The following IL1RAPL2 variants were observed in gnomAD, a reference collection of about 807,000 sequenced individuals.
IL1RAPL2 encodes the protein interleukin 1 receptor accessory protein like 2.
A neutral mutation model predicts 44.1 loss-of-function variants in IL1RAPL2; 3 were observed. That is an observed-to-expected ratio of 0.07 (90% confidence interval 0.03 to 0.18). The LOEUF is 0.18. Among genes scored for constraint, IL1RAPL2 ranks in the 10% least tolerant of loss-of-function variants. The pLI is 1.00. For missense variants in IL1RAPL2, 391 were observed against 496.4 expected (o/e 0.79, Z 2.02); for synonymous variants, 181 against 178.8 (o/e 1.01, Z -0.10).
chrX:104,770,949 A>G (rs1299053396), intron 2 of IL1RAPL2, among the ~76,000 whole-genome samples: 3 of 111,621 alleles, frequency 2.7e-5, no homozygotes, highest in African/African-American at 9.8e-5. Flanking sequence ...TGACCATCCA[A>G]GGGAGTGAAT....
intron 2 of IL1RAPL2, among the ~76,000 whole-genome samples, chrX:105,148,476 T>A (rs943887028): frequency 2.2e-4 from 25 of 111,831 alleles, no homozygotes; most frequent in Admixed American, 1.1e-3. Flanking sequence ...TTTAAAAAAA[T>A]TTCCAGCATT....
intron 6 of IL1RAPL2, among the ~76,000 whole-genome samples, chrX:105,495,308 A>G: frequency 8.9e-6 from 1 of 112,129 alleles, no homozygotes; most frequent in Non-Finnish European, 1.9e-5. Flanking sequence ...GTATAATATA[A>G]AATAAACTTG....
chrX:104,809,920 A>T (rs1318098069), intron 2 of IL1RAPL2, among the ~76,000 whole-genome samples: 1 of 110,990 alleles, frequency 9.0e-6, no homozygotes, highest in Non-Finnish European at 1.9e-5. Context: ...CTGGGTATAT[A>T]CCCAAAGGAC....
At chrX:104,945,844 C>T (rs1420661123) in intron 2 of IL1RAPL2, among the ~76,000 whole-genome samples, 1 of 111,075 alleles carries the variant, frequency 9.0e-6, no homozygotes, top group Non-Finnish European at 1.9e-5. Context: ...TGTTAATGTG[C>T]TCCAAACTAT....
intron 5 of IL1RAPL2, among the ~76,000 whole-genome samples, chrX:105,287,774 T>C (rs1292263962): frequency 3.6e-5 from 4 of 111,584 alleles, no homozygotes; most frequent in Non-Finnish European, 7.5e-5. Flanking sequence ...GCTTGTCTAA[T>C]TGGAAGGATT....
chrX:104,647,849 C>T, intron 1 of IL1RAPL2: 1 of 593,816 alleles, frequency 1.7e-6, no homozygotes, highest in South Asian at 2.3e-5. Flanking sequence ...AGTCCCTTCC[C>T]CTACCACAAT....
chrX:104,851,948 C>T (rs1478091001), intron 2 of IL1RAPL2, among the ~76,000 whole-genome samples: 2 of 111,204 alleles, frequency 1.8e-5, no homozygotes, highest in Admixed American at 9.6e-5. Flanking sequence ...AAGAATGGCA[C>T]CAAGGTATTT....
chrX:104,642,684 A>T (rs1929956717), intron 1 of IL1RAPL2, among the ~76,000 whole-genome samples: 2 of 110,987 alleles, frequency 1.8e-5, no homozygotes, highest in Non-Finnish European at 3.8e-5. Context: ...ACAGGGTTTC[A>T]CTATGTTGGC....
chrX:105,054,516 G>A (rs1232569383), intron 2 of IL1RAPL2, among the ~76,000 whole-genome samples: 1 of 111,801 alleles, frequency 8.9e-6, no homozygotes, highest in Non-Finnish European at 1.9e-5. Context: ...GAACTCCTAA[G>A]CTCAAGTCAT....
intron 5 of IL1RAPL2, among the ~76,000 whole-genome samples, chrX:105,444,427 C>T (rs1308078436): frequency 1.8e-5 from 2 of 110,953 alleles, no homozygotes; most frequent in South Asian, 7.6e-4. Context: ...AGACCAATGT[C>T]CTGGAGACTT....
chrX:105,076,342 A>G (rs766596361), intron 2 of IL1RAPL2, among the ~76,000 whole-genome samples: 15 of 110,558 alleles, frequency 1.4e-4, no homozygotes, highest in Middle Eastern at 4.7e-3. Context: ...TTTCCATGTA[A>G]TTGAGTGGTT....
chrX:105,318,275 A>G lies in IL1RAPL2; in HGVS notation c.697+50734A>G, dbSNP rs193029116. ...GGCGTGAGCCACCGCGCCAGGCAGAAGTAAGTATTTTCTAAATTACTGTGT... is the reference window on the plus strand; with the variant it reads ...GGCGTGAGCCACCGCGCCAGGCAGAGGTAAGTATTTTCTAAATTACTGTGT... On this transcript the variant is annotated intron_variant, in intron 5 of 10. Coordinates refer to ENST00000372582, the MANE Select transcript of IL1RAPL2 (RefSeq NM_017416.2). 1.4e-3 allele frequency among the ~76,000 whole-genome samples: 160 copies of G among 111,783 alleles called. 1 individual carries two copies. The highest frequency in any genetic ancestry group is 1.9e-3 in the Non-Finnish European group (99 of 53,133).
chrX:105,489,766 T>G (rs1435787780), intron 6 of IL1RAPL2, among the ~76,000 whole-genome samples: 1 of 93,002 alleles, frequency 1.1e-5, no homozygotes, highest in Non-Finnish European at 2.1e-5. Flanking sequence ...TTCTCTTTCT[T>G]TCTTTCTTTT....
At chrX:105,648,649 T>C (rs1179594904) in intron 6 of IL1RAPL2, among the ~76,000 whole-genome samples, 1 of 111,763 alleles carries the variant, frequency 8.9e-6, no homozygotes, top group African/African-American at 3.3e-5. Context: ...TATTGCATTG[T>C]AGAGTTTGCT....
chrX:104,828,429 C>T (rs1921516679), intron 2 of IL1RAPL2, among the ~76,000 whole-genome samples: 1 of 112,170 alleles, frequency 8.9e-6, no homozygotes, highest in Admixed American at 9.4e-5. Flanking sequence ...CCACTCCAGA[C>T]CCTGTTTGCC....
At chrX:104,594,203 A>C (rs1453663163) in intron 1 of IL1RAPL2, among the ~76,000 whole-genome samples, 1 of 112,119 alleles carries the variant, frequency 8.9e-6, no homozygotes, top group Non-Finnish European at 1.9e-5. Context: ...TAGCACAGAG[A>C]CTAGCATTTA....
At chrX:104,910,133 C>T (rs1924185238) in intron 2 of IL1RAPL2, among the ~76,000 whole-genome samples, 1 of 112,282 alleles carries the variant, frequency 8.9e-6, no homozygotes, top group South Asian at 3.7e-4. Flanking sequence ...CCGTCCGTCA[C>T]CCCTGTCTTT....
At chrX:105,123,627 A>G in intron 2 of IL1RAPL2, among the ~76,000 whole-genome samples, 1 of 111,368 alleles carries the variant, frequency 9.0e-6, no homozygotes, top group South Asian at 3.7e-4. Context: ...ATTCTGCCAG[A>G]CCTTTGGAAC....
At chrX:104,795,899 C>G (rs1932847225) in intron 2 of IL1RAPL2, among the ~76,000 whole-genome samples, 1 of 111,870 alleles carries the variant, frequency 8.9e-6, no homozygotes, top group Non-Finnish European at 1.9e-5. Context: ...ACAGTAGGTT[C>G]AAAATCCAGG....
Sources: gnomAD v4.1 joint callset for allele counts (sites outside exome capture counted in the v4.1 genomes callset) on GRCh38, gnomAD v4.1.1 for gene constraint, MANE v1.5 for transcripts, NCBI Gene and HGNC (gene_info 2026-07-23, HGNC 2026-07-21) for gene names.